TRHDE: variants seen among roughly 807,000 people sequenced by gnomAD.
TRHDE encodes thyrotropin-releasing hormone-degrading ectoenzyme.
TRHDE carries 72 observed loss-of-function variants against 125.7 expected under a neutral mutation model. That is an observed-to-expected ratio of 0.57 (90% CI 0.47 to 0.70). The LOEUF is 0.70. Ranked by LOEUF, TRHDE falls within the 30% of genes least tolerant of loss-of-function variation. The pLI is 0.00. For synonymous variants in TRHDE, 509 were observed against 509.1 expected (o/e 1.00, Z 0.00); for missense variants, 1,110 against 1,327.1 (o/e 0.84, Z 2.54).
intron 2 of TRHDE, among the ~76,000 whole-genome samples, chr12:72,107,045 G>C (rs1214260218): frequency 2.6e-5 from 4 of 151,262 alleles, no homozygotes; most frequent in Non-Finnish European, 5.9e-5. Flanking sequence ...GCTGGAATTG[G>C]TCTTCTATTT....
At chr12:72,454,364 A>C (rs1337316590) in intron 3 of TRHDE, among the ~76,000 whole-genome samples, 4 of 152,124 alleles carry the variant, frequency 2.6e-5, no homozygotes, top group African/African-American at 9.7e-5. Context: ...TGTTTAAACT[A>C]ATATAATTTA....
At chr12:72,340,458 T>TA (rs1870032032) in intron 2 of TRHDE, among the ~76,000 whole-genome samples, 1 of 152,180 alleles carries the variant, frequency 6.6e-6, no homozygotes, top group Admixed American at 6.5e-5. Flanking sequence ...AGATTAGATT[T>TA]AGCTGCATAT....
At chr12:72,435,640 A>ATT (rs1246330658) in intron 3 of TRHDE, among the ~76,000 whole-genome samples, 3,896 of 138,992 alleles carry the variant, frequency 0.028, 98 homozygotes, top group South Asian at 0.1. Flanking sequence ...CCAGGCTGGG[A>ATT]TTTTTTTTTT....
intron 3 of TRHDE, among the ~76,000 whole-genome samples, chr12:72,447,052 A>G (rs1398747108): frequency 1.1e-4 from 17 of 152,144 alleles, no homozygotes; most frequent in Non-Finnish European, 1.9e-4. Context: ...CCCCAAATCA[A>G]CAGAATATAC....
In TRHDE at chr12:72,337,843, A is replaced by G. The variant is rs570232350; in HGVS notation, c.1189-40152A>G. On this transcript the variant is annotated intron_variant, in intron 2 of 18. Coordinates refer to ENST00000261180, the MANE Select transcript of TRHDE (RefSeq NM_013381.3). ...TTATTTTTATTGTCAGCCCTCTGAA[A>G]ACATTTAAATGTAGCAGAAAAATAC... Among the ~76,000 whole-genome samples the G allele has an allele frequency of 3.9e-5, 6 of 152,070 alleles. No homozygotes were observed. The East Asian group carries it at 1.2e-3, about 29-fold the overall frequency.
intron 2 of TRHDE, among the ~76,000 whole-genome samples, chr12:72,179,179 A>G (rs1425957150): frequency 6.6e-6 from 1 of 152,158 alleles, no homozygotes; most frequent in Non-Finnish European, 1.5e-5. Flanking sequence ...GAGTTGTTGC[A>G]GGATATATCG....
chr12:72,642,677 G>T (rs746940294), intron 15 of TRHDE, among the ~76,000 whole-genome samples: 1 of 152,006 alleles, frequency 6.6e-6, no homozygotes, highest in South Asian at 2.1e-4. Context: ...TTCTATTAAA[G>T]AATTTAATTC....
intron 2 of TRHDE, among the ~76,000 whole-genome samples, chr12:72,218,017 G>T (rs527308570): frequency 6.6e-6 from 1 of 152,170 alleles, no homozygotes; most frequent in Non-Finnish European, 1.5e-5. Flanking sequence ...TGGCAAATAA[G>T]TAGTCTATAT....
intron 15 of TRHDE, among the ~76,000 whole-genome samples, chr12:72,639,245 T>G (rs1004720177): frequency 2.6e-5 from 4 of 152,092 alleles, no homozygotes; most frequent in Admixed American, 1.3e-4. Context: ...CTCGCTTCAT[T>G]TCATTCATTT....
At chr12:72,426,670 T>TAAC (rs1874197245) in intron 3 of TRHDE, among the ~76,000 whole-genome samples, 1 of 151,862 alleles carries the variant, frequency 6.6e-6, no homozygotes, top group East Asian at 1.9e-4. Flanking sequence ...CTTTATATGT[T>TAAC]AGGTAGTGTT....
rs948231036 is a variant in TRHDE at position 72,666,681 on chromosome 12, T to C, written c.*3486T>C. The C allele has an allele frequency of 1.3e-5, 2 of 152,112 alleles. No individual in the cohort carries two copies. Among genetic ancestry groups the C allele is most frequent in the Non-Finnish European group, 2.9e-5 (2 of 68,004 alleles). 9.4% of individuals were successfully genotyped at this position (152,112 alleles called of 1,614,324 possible). On this transcript the variant is annotated 3_prime_UTR_variant, in exon 19 of 19. Coordinates refer to ENST00000261180, the MANE Select transcript of TRHDE (RefSeq NM_013381.3). ...AAATATCTCTATCGATTGCATTAATTGGAGATTTTCCAAATACTAGACCAG... is the reference window on the plus strand; with the variant it reads ...AAATATCTCTATCGATTGCATTAATCGGAGATTTTCCAAATACTAGACCAG...
intron 2 of TRHDE, among the ~76,000 whole-genome samples, chr12:72,190,681 C>A (rs889480552): frequency 2.6e-5 from 4 of 152,180 alleles, no homozygotes; most frequent in Non-Finnish European, 5.9e-5. Flanking sequence ...TCTTCTGTAA[C>A]CTTGTGGACA....
At chr12:72,410,373 A>T (rs1398251213) in intron 3 of TRHDE, among the ~76,000 whole-genome samples, 1 of 152,168 alleles carries the variant, frequency 6.6e-6, no homozygotes, top group Non-Finnish European at 1.5e-5. Flanking sequence ...AGTAGAAAAG[A>T]AGGAACATTT....
chr12:72,573,610 T>TA (rs1870848507), intron 10 of TRHDE, among the ~76,000 whole-genome samples: 1 of 151,954 alleles, frequency 6.6e-6, no homozygotes, highest in African/African-American at 2.4e-5. Flanking sequence ...CACTTACGTA[T>TA]AGGAAAGCTG....
chr12:72,265,219 T>G (rs560217410), intron 2 of TRHDE, among the ~76,000 whole-genome samples: 1 of 152,088 alleles, frequency 6.6e-6, no homozygotes, highest in South Asian at 2.1e-4. Flanking sequence ...TACAAATAAA[T>G]TTTTTAATGA....
chr12:72,512,557 TATATA>T (rs953856592), intron 6 of TRHDE, among the ~76,000 whole-genome samples: 14 of 140,222 alleles, frequency 1.0e-4, no homozygotes, highest in South Asian at 2.1e-4. Flanking sequence ...TATATAATCA[TATATA>T]ATATAATATA....
At chr12:72,349,544 CT>C (rs1346458313) in intron 2 of TRHDE, among the ~76,000 whole-genome samples, 2 of 147,962 alleles carry the variant, frequency 1.4e-5, no homozygotes, top group African/African-American at 5.1e-5. Flanking sequence ...GTCCCTTTGC[CT>C]TTTTTTGGGC....
At position 72,373,454 on chromosome 12, in the gene TRHDE, T is replaced by A. The variant is rs144056388; in HGVS notation, c.1189-4541T>A. Among the ~76,000 whole-genome samples the A allele has an allele frequency of 2.4e-3, 364 of 152,306 alleles. 1 individual carries two copies. The highest frequency in any genetic ancestry group is 7.9e-3 in the African/African-American group (329 of 41,576). On this transcript the variant is annotated intron_variant, in intron 2 of 18. Coordinates refer to ENST00000261180, the MANE Select transcript of TRHDE (RefSeq NM_013381.3). ...TGAATAGGAGTGGTGAGAGAGGGCA[T>A]CCCTGTCTTGAAAAACTGGCTGTTT...
At chr12:72,407,505 A>G (rs1413135140) in intron 3 of TRHDE, among the ~76,000 whole-genome samples, 2 of 152,204 alleles carry the variant, frequency 1.3e-5, no homozygotes, top group African/African-American at 4.8e-5. Context: ...CCTCAGAGGA[A>G]AGTGTCAAGG....
Sources: allele counts gnomAD v4.1 joint callset (sites outside exome capture counted in the v4.1 genomes callset), GRCh38; gene constraint gnomAD v4.1.1; transcripts MANE v1.5; gene names NCBI Gene and HGNC (gene_info 2026-07-23, HGNC 2026-07-21).